Variants in CADM2 observed in about 807,000 individuals in gnomAD.
CADM2 encodes immunoglobulin superfamily member 4D.
A neutral mutation model predicts 49.8 loss-of-function variants in CADM2; 12 were observed. The observed-to-expected ratio is 0.24, with a 90% CI of 0.15 to 0.39. The LOEUF is 0.39. Ranked by LOEUF, CADM2 falls within the 10% of genes least tolerant of loss-of-function variation. The pLI is 1.00. For synonymous variants in CADM2, 214 were observed against 175.4 expected (o/e 1.22, Z -1.74); for missense variants, 378 against 492.3 (o/e 0.77, Z 2.20).
intron 1 of CADM2, among the ~76,000 whole-genome samples, chr3:85,721,873 G>T (rs1348411139): frequency 6.6e-6 from 1 of 152,208 alleles, no homozygotes; most frequent in East Asian, 1.9e-4. Context: ...CTCATTTGTT[G>T]GGTACTGAAT....
intron 6 of CADM2, among the ~76,000 whole-genome samples, chr3:85,924,599 A>ATAAATAAATAAG (rs1183596317): frequency 6.6e-6 from 1 of 151,014 alleles, no homozygotes; most frequent in Non-Finnish European, 1.5e-5. Context: ...CTAAAAATAA[A>ATAAATAAATAAG]TAAATAAATA....
chr3:85,097,041 C>T (rs2037826055), intron 1 of CADM2, among the ~76,000 whole-genome samples: 1 of 152,008 alleles, frequency 6.6e-6, no homozygotes, highest in African/African-American at 2.4e-5. Context: ...GATACATGTG[C>T]ACAATGTGCA....
chr3:85,462,678 T>C (rs1334700805), intron 1 of CADM2, among the ~76,000 whole-genome samples: 1 of 152,198 alleles, frequency 6.6e-6, no homozygotes, highest in African/African-American at 2.4e-5. Context: ...ATTCCATTAG[T>C]GAACTTTTAT....
chr3:85,873,762 C>T (rs1361356595), intron 3 of CADM2, among the ~76,000 whole-genome samples: 1 of 152,108 alleles, frequency 6.6e-6, no homozygotes, highest in Non-Finnish European at 1.5e-5. Context: ...TATTACTCAT[C>T]ACTTTCACAT....
chr3:85,926,170 A>AAATAAAT (rs1719837637), intron 6 of CADM2, among the ~76,000 whole-genome samples: 1 of 139,494 alleles, frequency 7.2e-6, no homozygotes, highest in Non-Finnish European at 1.6e-5. Flanking sequence ...ATAAATAAAT[A>AAATAAAT]AATAAATAGA....
rs548621147 is a variant in CADM2, at chr3:85,574,523, A to G, written c.62-151999A>G. On this transcript the variant is annotated intron_variant, in intron 1 of 9. Transcript: ENST00000383699. ...GTCTTCCTGTTATGTCTCTAGGGCA[A>G]AAAGTGTTCCCTGGCTGAATCATGT... is the stretch of plus-strand genomic sequence containing the variant. Among the ~76,000 whole-genome samples the G allele has an allele frequency of 2.6e-4, 39 of 152,318 alleles. 1 individual carries two copies. In the South Asian group the frequency reaches 7.9e-3, roughly 31 times the overall value.
At chr3:85,688,345 A>G (rs1436238556) in intron 1 of CADM2, among the ~76,000 whole-genome samples, 1 of 152,144 alleles carries the variant, frequency 6.6e-6, no homozygotes, top group Admixed American at 6.5e-5. Context: ...CAAAGAGGCA[A>G]TTGAATAGAT....
At chr3:85,428,000 A>G (rs935171924) in intron 1 of CADM2, among the ~76,000 whole-genome samples, 2 of 151,970 alleles carry the variant, frequency 1.3e-5, no homozygotes, top group African/African-American at 4.8e-5. Flanking sequence ...TGGCTTTTGC[A>G]TTATTTCAAC....
intron 1 of CADM2, among the ~76,000 whole-genome samples, chr3:85,220,152 C>A (rs552249315): frequency 6.6e-6 from 1 of 151,986 alleles, no homozygotes; most frequent in Non-Finnish European, 1.5e-5. Flanking sequence ...GGTTTTCCAA[C>A]AAAATACTAG....
intron 1 of CADM2, among the ~76,000 whole-genome samples, chr3:85,600,048 T>G (rs956281): frequency 0.51 from 77,957 of 151,790 alleles, 23,038 homozygotes; most frequent in East Asian, 0.85. Flanking sequence ...CTAAGAAATA[T>G]TTAAGTTTTG....
intron 1 of CADM2, among the ~76,000 whole-genome samples, chr3:85,560,772 G>A (rs887422585): frequency 6.6e-6 from 1 of 152,036 alleles, no homozygotes; most frequent in Admixed American, 6.6e-5. Context: ...AAGTAAATAG[G>A]GTCATTTAAG....
At chr3:84,984,257 C>T (rs2032405802) in intron 1 of CADM2, among the ~76,000 whole-genome samples, 2 of 147,434 alleles carry the variant, frequency 1.4e-5, no homozygotes, top group South Asian at 4.4e-4. Context: ...AAAGACTGAA[C>T]TCATTAGCTT....
intron 1 of CADM2, among the ~76,000 whole-genome samples, chr3:85,489,868 G>A (rs1351501144): frequency 6.6e-6 from 1 of 151,554 alleles, no homozygotes; most frequent in Admixed American, 6.6e-5. Flanking sequence ...GAAATTCAGG[G>A]GAAAGAAACA....
At position 85,237,728 on chromosome 3, in the gene CADM2, A is replaced by C. The variant is rs184782737; in HGVS notation, c.61+278060A>C. Among the ~76,000 whole-genome samples the C allele has an allele frequency of 1.8e-3, 269 of 151,896 alleles. 1 individual carries two copies. The highest frequency in any genetic ancestry group is 6.1e-3 in the African/African-American group (254 of 41,530). On this transcript the variant is annotated intron_variant, in intron 1 of 9. Transcript: ENST00000383699. ...TTCTTAAAATATAAAGTTGTCTTCA[A>C]GTATCAAGGCATCAAGTTTTATACT...
chr3:85,381,494 T>TAA (rs1188622476), intron 1 of CADM2, among the ~76,000 whole-genome samples: 5 of 147,720 alleles, frequency 3.4e-5, no homozygotes, highest in African/African-American at 1.2e-4. Context: ...AGTGTATATA[T>TAA]AAAGAATATA....
At chr3:85,307,079 G>T (rs760385331) in intron 1 of CADM2, among the ~76,000 whole-genome samples, 4 of 151,424 alleles carry the variant, frequency 2.6e-5, no homozygotes, top group Admixed American at 6.6e-5. Context: ...ATTTATAGAA[G>T]ATTTTAGTTC....
chr3:85,681,565 T>C (rs568778031), intron 1 of CADM2, among the ~76,000 whole-genome samples: 2 of 152,212 alleles, frequency 1.3e-5, no homozygotes, highest in South Asian at 4.1e-4. Flanking sequence ...TGATTTATGA[T>C]ATCAGAACGG....
chr3:85,412,334 T>C (rs1490665237), intron 1 of CADM2, among the ~76,000 whole-genome samples: 1 of 152,206 alleles, frequency 6.6e-6, no homozygotes, highest in Non-Finnish European at 1.5e-5. Flanking sequence ...CTAATGTGTT[T>C]TCTTATAATA....
At chr3:85,419,664 G>T (rs976339595) in intron 1 of CADM2, among the ~76,000 whole-genome samples, 1 of 152,068 alleles carries the variant, frequency 6.6e-6, no homozygotes, top group African/African-American at 2.4e-5. Context: ...ATCATATTAG[G>T]ACAGTTGCCA....
Sources: gnomAD v4.1 joint callset for allele counts (sites outside exome capture counted in the v4.1 genomes callset) on GRCh38, gnomAD v4.1.1 for gene constraint, MANE v1.5 for transcripts, NCBI Gene and HGNC (gene_info 2026-07-23, HGNC 2026-07-21) for gene names.